The following IL23R variants were observed in gnomAD, a reference collection of about 807,000 sequenced individuals.
IL23R encodes the protein interleukin 23 receptor, also known as interleukin-23 receptor.
A neutral mutation model predicts 56.9 loss-of-function variants in IL23R; 34 were observed. The observed-to-expected ratio is 0.60, with a 90% CI of 0.45 to 0.80. The LOEUF (loss-of-function observed/expected upper bound fraction) is 0.80, where lower values mean the gene tolerates loss of function less well. Among genes scored for constraint, IL23R ranks in the 30% least tolerant of loss-of-function variants. IL23R has a pLI of 0.00. For synonymous variants in IL23R, 230 were observed against 249.2 expected (o/e 0.92, Z 0.73); for missense variants, 635 against 730.0 (o/e 0.87, Z 1.50).
chr1:67,190,039 A>C (rs1225370916), intron 4 of IL23R, among the ~76,000 whole-genome samples: 1 of 152,204 alleles, frequency 6.6e-6, no homozygotes, highest in Non-Finnish European at 1.5e-5. Flanking sequence ...TCGAGGTAGT[A>C]TTATGTTTAA....
chr1:67,183,093 A>C (rs1422456503), intron 4 of IL23R, 134 bp downstream of exon 4: 1 of 1,040,232 alleles, frequency 9.6e-7, no homozygotes, highest in African/African-American at 1.6e-5. Context: ...TTTCCTACTT[A>C]TGATCAGTGA....
At position 67,206,912 on chromosome 1, in the gene IL23R, A is replaced by C; in HGVS notation, c.655A>C (p.Ile219Leu). ...QLQIHLDDIV[I>L]PSAAVISRAE... ...TTTTTTTTTTTTTTTTTTTCTAGTG[A>C]TACCTTCTGCAGCCGTCATTTCCAG... Residue 219 changes from isoleucine to leucine, a missense_variant and splice_region_variant, in exon 6 of 11, where the codon ATA becomes CTA. Ile to Leu is a conservative substitution (Grantham distance 5, BLOSUM62 2). Transcript: ENST00000347310. The C allele has an allele frequency of 1.5e-5, 11 of 721,740 alleles. No individual in the cohort carries two copies. Among genetic ancestry groups the C allele is most frequent in the Non-Finnish European group, 2.3e-5 (11 of 472,520 alleles). The allele number at this position is 721,740 out of a possible 1,614,324, so 44.7% of individuals were successfully genotyped here. A position where few individuals can be genotyped will look rare whatever the true frequency, so the allele number is the denominator to read the frequency against.
intron 1 of IL23R, among the ~76,000 whole-genome samples, chr1:67,141,480 C>A (rs918743418): frequency 6.6e-6 from 1 of 152,016 alleles, no homozygotes; most frequent in South Asian, 2.1e-4. Flanking sequence ...TTTACAAGTC[C>A]GGTCCAGGGA....
chr1:67,226,733 A>T lies in IL23R; in HGVS notation c.955+7003A>T, dbSNP rs143642494. Among the ~76,000 whole-genome samples, 308 of 152,298 alleles carry T rather than the reference A, an allele frequency of 2.0e-3. 1 individual carries two copies. Among genetic ancestry groups the T allele is most frequent in the African/African-American group, 7.0e-3 (292 of 41,568 alleles). ...GGACCTCTGCCAGGGAACCACCCTCATTTATTCAGTATTTTCCTGTTTGCT... is the reference window on the plus strand; with the variant it reads ...GGACCTCTGCCAGGGAACCACCCTCTTTTATTCAGTATTTTCCTGTTTGCT... On this transcript the variant is annotated intron_variant, in intron 7 of 10. Transcript: ENST00000347310.
At chr1:67,186,453 CA>C (rs1039063041) in intron 4 of IL23R, among the ~76,000 whole-genome samples, 8 of 148,314 alleles carry the variant, frequency 5.4e-5, no homozygotes, top group South Asian at 2.1e-4. Flanking sequence ...TTCATCATGC[CA>C]AAAAAAAAAT....
At chr1:67,247,237 A>C (rs1456187014) in intron 9 of IL23R, among the ~76,000 whole-genome samples, 1 of 150,300 alleles carries the variant, frequency 6.7e-6, no homozygotes, top group Non-Finnish European at 1.5e-5. Flanking sequence ...ATACAGCACT[A>C]CTGATGGGTC....
At chr1:67,198,859 C>T (rs988817981) in intron 4 of IL23R, among the ~76,000 whole-genome samples, 1 of 152,140 alleles carries the variant, frequency 6.6e-6, no homozygotes, top group Non-Finnish European at 1.5e-5. Context: ...GTGGGAGGAT[C>T]ACTCGAGCCC....
chr1:67,206,172 C>T (rs895333266), intron 5 of IL23R, among the ~76,000 whole-genome samples: 17 of 151,960 alleles, frequency 1.1e-4, no homozygotes, highest in Admixed American at 3.9e-4. Flanking sequence ...ACCACCACGC[C>T]GGGCTAATTT....
intron 1 of IL23R, among the ~76,000 whole-genome samples, chr1:67,143,633 C>T (rs1646657135): frequency 6.6e-6 from 1 of 152,164 alleles, no homozygotes; most frequent in South Asian, 2.1e-4. Context: ...GTTTCTGGGA[C>T]ATTATGTCTC....
At chr1:67,143,212 G>C (rs1005967413) in intron 1 of IL23R, among the ~76,000 whole-genome samples, 2 of 152,140 alleles carry the variant, frequency 1.3e-5, no homozygotes, top group African/African-American at 4.8e-5. Context: ...TCTTTAGACT[G>C]TTCGAAAATG....
At chr1:67,255,501 T>G (rs1652891400) in intron 9 of IL23R, among the ~76,000 whole-genome samples, 2 of 152,122 alleles carry the variant, frequency 1.3e-5, no homozygotes, top group African/African-American at 4.8e-5. Context: ...TGCAGTGGCA[T>G]GGTCACAGCT....
intron 7 of IL23R, among the ~76,000 whole-genome samples, chr1:67,224,724 C>A (rs984640721): frequency 1.3e-5 from 2 of 152,100 alleles, no homozygotes; most frequent in African/African-American, 4.8e-5. Context: ...AAGCCTTATA[C>A]TGAAAAAGAA....
chr1:67,207,408 T>C (rs1022898353), intron 6 of IL23R, among the ~76,000 whole-genome samples: 17 of 152,196 alleles, frequency 1.1e-4, no homozygotes, highest in Non-Finnish European at 1.2e-4. Flanking sequence ...GCCATCTTTA[T>C]GTCCATGAGT....
At chr1:67,228,061 C>A (rs1480111757) in intron 7 of IL23R, among the ~76,000 whole-genome samples, 1 of 104,132 alleles carries the variant, frequency 9.6e-6, no homozygotes, top group East Asian at 3.2e-4. Context: ...TTCTTTCTTT[C>A]TCTGTCTCTC....
chr1:67,171,137 T>G (rs1007997365), intron 3 of IL23R, among the ~76,000 whole-genome samples: 5 of 152,146 alleles, frequency 3.3e-5, no homozygotes, highest in African/African-American at 1.2e-4. Flanking sequence ...ACTTTACTAT[T>G]TATCCTTTGG....
chr1:67,138,853 A>G (rs1646607573), upstream of IL23R: 2 of 152,340 alleles, frequency 1.3e-5, no homozygotes, highest in Admixed American at 1.3e-4. Flanking sequence ...TGTTAGGCCA[A>G]TGAGATCACA....
intron 8 of IL23R, among the ~76,000 whole-genome samples, 156 bp downstream of exon 8, chr1:67,236,958 T>G (rs777804193): frequency 6.6e-6 from 1 of 152,242 alleles, no homozygotes; most frequent in African/African-American, 2.4e-5. Flanking sequence ...TACAAAGATC[T>G]GCTTAAAACT....
intron 2 of IL23R, 56 bp from the exon 3 acceptor site, chr1:67,169,286 G>T: frequency 7.5e-7 from 1 of 1,326,738 alleles, no homozygotes; most frequent in South Asian, 1.3e-5. Context: ...ATATTCTTCT[G>T]AATCTCTTGA....
chr1:67,232,738 CT>C (rs1471548186), intron 7 of IL23R, among the ~76,000 whole-genome samples: 6 of 152,132 alleles, frequency 3.9e-5, no homozygotes, highest in African/African-American at 1.4e-4. Context: ...ACAAAACACA[CT>C]TTGCCCCATG....
Sources: allele counts gnomAD v4.1 joint callset (sites outside exome capture counted in the v4.1 genomes callset), GRCh38; gene constraint gnomAD v4.1.1; transcripts MANE v1.5; gene names NCBI Gene and HGNC (gene_info 2026-07-23, HGNC 2026-07-21).